KANSL1: variants seen among roughly 807,000 people sequenced by gnomAD.
KANSL1 encodes the protein MLL1/MLL complex subunit KANSL1.
KANSL1 carries 22 observed loss-of-function variants against 103.6 expected under a neutral mutation model. The ratio of observed to expected loss-of-function variants is 0.21; its 90% CI spans 0.15 to 0.30. The LOEUF is 0.30. Ranked by LOEUF, KANSL1 falls within the 10% of genes least tolerant of loss-of-function variation. The pLI is 1.00. For synonymous variants in KANSL1, 600 were observed against 527.6 expected (o/e 1.14, Z -1.88); for missense variants, 1,337 against 1,399.8 (o/e 0.96, Z 0.72).
At chr17:46,207,525 G>T (rs1044014386) in intron 1 of KANSL1, among the ~76,000 whole-genome samples, 1 of 107,484 alleles carries the variant, frequency 9.3e-6, no homozygotes, top group African/African-American at 2.8e-5. Context: ...AAAAAAAAAA[G>T]AAAAGAAAAC....
chr17:46,225,093 G>A (rs1181444339), upstream of KANSL1, among the ~76,000 whole-genome samples: 6 of 151,702 alleles, frequency 4.0e-5, no homozygotes, highest in Non-Finnish European at 8.8e-5. Context: ...CCAGGCCTAC[G>A]AGTGGGCGCT....
upstream of KANSL1, among the ~76,000 whole-genome samples, chr17:46,224,302 G>C (rs548692098): frequency 4.6e-4 from 70 of 152,204 alleles, no homozygotes; most frequent in South Asian, 0.015. Context: ...CTTCCCCAGA[G>C]ATCGTTAAAA....
At chr17:46,218,813 G>A (rs77294312) in intron 1 of KANSL1, among the ~76,000 whole-genome samples, 3 of 151,802 alleles carry the variant, frequency 2.0e-5, no homozygotes, top group Admixed American at 2.0e-4. Context: ...ATTACAATAA[G>A]AACAGTAGTA....
At chr17:46,190,651 G>A (rs1311842104) in intron 1 of KANSL1, among the ~76,000 whole-genome samples, 3 of 152,132 alleles carry the variant, frequency 2.0e-5, no homozygotes, top group Non-Finnish European at 4.4e-5. Flanking sequence ...CCATAATATA[G>A]ACATTAAGAA....
intron 2 of KANSL1, among the ~76,000 whole-genome samples, chr17:46,150,921 T>C: frequency 1.0e-5 from 1 of 96,762 alleles, no homozygotes; most frequent in South Asian, 3.2e-4. Flanking sequence ...AAGATCCCTA[T>C]TCTGTCAAAA....
intron 2 of KANSL1, among the ~76,000 whole-genome samples, chr17:46,122,068 A>C (rs1598677093): frequency 6.6e-6 from 1 of 152,172 alleles, no homozygotes; most frequent in Non-Finnish European, 1.5e-5. Flanking sequence ...AAGTTGAAAA[A>C]CCATAATTTG....
chr17:46,077,084 C>T (rs9896680), intron 4 of KANSL1, among the ~76,000 whole-genome samples: 8,433 of 152,250 alleles, frequency 0.055, 692 homozygotes, highest in African/African-American at 0.18. Context: ...CAGGGTCTCA[C>T]CCCGTCGCCC....
intron 2 of KANSL1, among the ~76,000 whole-genome samples, chr17:46,150,328 C>A (rs1448429038): frequency 6.6e-6 from 1 of 152,146 alleles, no homozygotes; most frequent in South Asian, 2.1e-4. Context: ...ATCCATCTAT[C>A]CTCTAAGAAG....
chr17:46,190,649 T>C (rs543897140), intron 1 of KANSL1, among the ~76,000 whole-genome samples: 13 of 152,338 alleles, frequency 8.5e-5, no homozygotes, highest in Admixed American at 3.9e-4. Flanking sequence ...CACCATAATA[T>C]AGACATTAAG....
intron 3 of KANSL1, among the ~76,000 whole-genome samples, chr17:46,087,384 A>G (rs2079204375): frequency 6.6e-6 from 1 of 152,176 alleles, no homozygotes; most frequent in Non-Finnish European, 1.5e-5. Context: ...CCTCACACCA[A>G]AAAGGATGAA....
intron 4 of KANSL1, among the ~76,000 whole-genome samples, chr17:46,071,731 GA>G (rs759984933): frequency 3.3e-5 from 5 of 152,212 alleles, no homozygotes; most frequent in Non-Finnish European, 5.9e-5. Flanking sequence ...CAAAAAGGAT[GA>G]AAGAACTTAA....
intron 2 of KANSL1, among the ~76,000 whole-genome samples, chr17:46,145,855 A>T (rs1450209368): frequency 2.0e-5 from 3 of 152,134 alleles, no homozygotes; most frequent in Non-Finnish European, 2.9e-5. Flanking sequence ...CAGCCTCCCG[A>T]GTAGCTGGGA....
At chr17:46,155,330 C>G (rs1597823189) in intron 2 of KANSL1, among the ~76,000 whole-genome samples, 1 of 151,956 alleles carries the variant, frequency 6.6e-6, no homozygotes. Context: ...GCTAATTTTT[C>G]TATTTTTAGT....
At chr17:46,066,419 TC>T (rs1568409186) in intron 6 of KANSL1, 117 bp downstream of exon 6, 9 of 763,208 alleles carry the variant, frequency 1.2e-5, no homozygotes, top group Non-Finnish European at 1.7e-5. Context: ...TTTATAAAGC[TC>T]CCCAGAAGAC....
intron 1 of KANSL1, among the ~76,000 whole-genome samples, chr17:46,188,072 A>G (rs1036589925): frequency 6.6e-6 from 1 of 152,242 alleles, no homozygotes; most frequent in Non-Finnish European, 1.5e-5. Flanking sequence ...TAAAAGGCAC[A>G]TGGCTTAAAA....
chr17:46,031,560 T>C lies in KANSL1; in HGVS notation c.3234A>G (p.Ala1078=). 1 of 1,614,078 alleles carries C rather than the reference T, an allele frequency of 6.2e-7. No individual in the cohort carries two copies. Among genetic ancestry groups the C allele is most frequent in the Non-Finnish European group, 8.5e-7 (1 of 1,180,012 alleles). Residue 1078 remains alanine (A), a synonymous_variant, in exon 15 of 15, where the codon GCA becomes GCG. Coordinates refer to ENST00000432791, the MANE Select transcript of KANSL1 (RefSeq NM_015443.4). ...SGSKTGRETE[A]APTSPPIVPL... is the part of the protein sequence containing the mutation. ...GGACAATGGGAGGCGAGGTGGGCGC[T>C]GCCTCTGTCTCCCGGCCAGTCTTGC...
At chr17:46,105,923 ACACACACACACACACACACACACACC>A (rs1221354299) in intron 2 of KANSL1, among the ~76,000 whole-genome samples, 4,967 of 102,786 alleles carry the variant, frequency 0.048, 126 homozygotes, top group Non-Finnish European at 0.073. Flanking sequence ...ACACACACAC[ACACACACACACACACACACACACACC>A]CCCCCAGAAG....
At chr17:46,096,311 C>CTTTCTTTCTTTCTTTCTTTTTTTT (rs753073992) in intron 2 of KANSL1, among the ~76,000 whole-genome samples, 1 of 76,408 alleles carries the variant, frequency 1.3e-5, no homozygotes, top group Non-Finnish European at 2.5e-5. Flanking sequence ...GCTTTTTTTT[C>CTTTCTTTCTTTCTTTCTTTTTTTT]TTTTTTTTTT....
At chr17:46,079,927 A>G (rs1320712647) in intron 4 of KANSL1, among the ~76,000 whole-genome samples, 1 of 152,110 alleles carries the variant, frequency 6.6e-6, no homozygotes, top group Non-Finnish European at 1.5e-5. Context: ...CAGTGAGCCA[A>G]GGTCGCACCA....
Sources: gnomAD v4.1 joint callset for allele counts (sites outside exome capture counted in the v4.1 genomes callset) on GRCh38, gnomAD v4.1.1 for gene constraint, MANE v1.5 for transcripts, NCBI Gene and HGNC (gene_info 2026-07-23, HGNC 2026-07-21) for gene names.